Variants in FBXL13 observed in about 807,000 individuals in gnomAD.
The protein encoded by FBXL13 is F-box and leucine rich repeat protein 13.
In FBXL13, 67 loss-of-function variants were observed where a neutral mutation model predicts 83.6. The observed-to-expected ratio is 0.80, with a 90% CI of 0.66 to 0.98. FBXL13 has a LOEUF of 0.98. FBXL13 is among the 50% of genes least tolerant of loss of function. The pLI is 0.00. For missense variants in FBXL13, 822 were observed against 866.5 expected (o/e 0.95, Z 0.64); for synonymous variants, 272 against 299.5 (o/e 0.91, Z 0.95).
chr7:103,006,926 A>G (rs919170731), intron 6 of FBXL13, among the ~76,000 whole-genome samples: 1 of 152,182 alleles, frequency 6.6e-6, no homozygotes, highest in African/African-American at 2.4e-5. Context: ...TCTAGAGATC[A>G]ATACAATATC....
chr7:102,867,982 G>A (rs1260089368), intron 16 of FBXL13, among the ~76,000 whole-genome samples: 2 of 151,742 alleles, frequency 1.3e-5, no homozygotes, highest in African/African-American at 2.4e-5. Context: ...GATTACAGGC[G>A]TGAGCCACCG....
At chr7:102,887,414 T>TAC (rs67686614) in intron 11 of FBXL13, among the ~76,000 whole-genome samples, 7,422 of 148,668 alleles carry the variant, frequency 0.05, 230 homozygotes, top group African/African-American at 0.09. Flanking sequence ...TATACATACA[T>TAC]ACACACACAC....
intron 10 of FBXL13, 85 bp from the exon 12 acceptor site, chr7:102,913,300 T>C: frequency 3.3e-6 from 5 of 1,537,170 alleles, no homozygotes; most frequent in Non-Finnish European, 4.4e-6. Flanking sequence ...CAAAGAAAAC[T>C]GTAAATTCAA....
intron 11 of FBXL13, among the ~76,000 whole-genome samples, chr7:102,910,386 C>CT (rs146497451): frequency 0.036 from 5,338 of 148,592 alleles, 289 homozygotes; most frequent in African/African-American, 0.13. Context: ...CTTTTTCTTT[C>CT]TTTTTTTTTT....
intron 7 of FBXL13, among the ~76,000 whole-genome samples, chr7:102,964,086 G>A (rs141220482): frequency 4.6e-5 from 7 of 152,218 alleles, no homozygotes; most frequent in African/African-American, 9.6e-5. Context: ...CAAAGCGGGC[G>A]GATCACTTGA....
intron 6 of FBXL13, among the ~76,000 whole-genome samples, chr7:103,007,930 T>C (rs995356774): frequency 5.9e-5 from 9 of 152,004 alleles, no homozygotes; most frequent in Non-Finnish European, 8.8e-5. Context: ...GGAGAGTGTC[T>C]CCCACGAGGA....
intron 8 of FBXL13, among the ~76,000 whole-genome samples, chr7:102,943,614 CAA>C (rs1219492495): frequency 6.6e-6 from 1 of 152,160 alleles, no homozygotes; most frequent in Non-Finnish European, 1.5e-5. Flanking sequence ...TAAGAGACTG[CAA>C]AGACTCTCGC....
chr7:102,884,272 G>C, exon 12 of FBXL13: 2 of 1,613,782 alleles, frequency 1.2e-6, no homozygotes, highest in Non-Finnish European at 1.7e-6. Flanking sequence ...CATAATTCCA[G>C]TGCAGCTGTT....
intron 18 of FBXL13, 108 bp downstream of exon 19, chr7:102,832,732 A>C: frequency 7.6e-7 from 1 of 1,311,924 alleles, no homozygotes; most frequent in South Asian, 2.2e-5. Flanking sequence ...TGAATACCTC[A>C]ACCATGGCAA....
chr7:103,024,422 G>A (rs1196523132), intron 6 of FBXL13, among the ~76,000 whole-genome samples: 1 of 151,528 alleles, frequency 6.6e-6, no homozygotes, highest in Non-Finnish European at 1.5e-5. Context: ...CAGCTACCTG[G>A]AGGCTGAGGC....
chr7:102,933,689 G>A, intron 8 of FBXL13: 2 of 360,806 alleles, frequency 5.5e-6, no homozygotes, highest in Non-Finnish European at 9.9e-6. Flanking sequence ...GAAGGCCTTT[G>A]CCTTAAAAAG....
chr7:102,878,309 G>A (rs1217960498), intron 15 of FBXL13, 22 bp downstream of exon 16: 2 of 1,579,558 alleles, frequency 1.3e-6, no homozygotes. Flanking sequence ...ATGATATGAT[G>A]TAAAAGACTG....
intron 17 of FBXL13, among the ~76,000 whole-genome samples, chr7:102,847,778 C>T (rs1222755524): frequency 6.6e-6 from 1 of 152,164 alleles, no homozygotes; most frequent in Non-Finnish European, 1.5e-5. Context: ...ACCCACCCAC[C>T]TCGGCCTCCC....
intron 6 of FBXL13, among the ~76,000 whole-genome samples, chr7:102,991,068 AGACAAATTCAGTAGCT>A (rs1829512092): frequency 6.6e-6 from 1 of 152,252 alleles, no homozygotes; most frequent in African/African-American, 2.4e-5. Context: ...AGATGCCAGA[AGACAAATTCAGTAGCT>A]TTGAATTTGA....
chr7:102,939,719 A>C (rs1269554579), intron 8 of FBXL13: 2 of 809,216 alleles, frequency 2.5e-6, no homozygotes, highest in Admixed American at 5.6e-5. Context: ...TTAATTAAAC[A>C]TGACACTTAT....
chr7:102,903,939 C>CTTTTTTTTTTTTTTTTTTTTTTTTTTT (rs1166655004), intron 11 of FBXL13, among the ~76,000 whole-genome samples: 6 of 43,454 alleles, frequency 1.4e-4, no homozygotes, highest in Admixed American at 2.4e-4. Context: ...CTTTTCTTTT[C>CTTTTTTTTTTTTTTTTTTTTTTTTTTT]TTTTTTTTTT....
In FBXL13 at chr7:103,015,160, C is replaced by A. The variant is rs182077344; in HGVS notation, c.495+9903G>T. ...ATTCAACATCTCTTCATGTTAAAAA[C>A]CCTCAAGAAACTAGGCACTGAAGGA... On this transcript the variant is annotated intron_variant, in intron 6 of 19. Transcript: ENST00000313221. Among the ~76,000 whole-genome samples, 742 of 152,112 alleles carry A rather than the reference C, an allele frequency of 4.9e-3. 2 individuals carry two copies. Among genetic ancestry groups the A allele is most frequent in the Middle Eastern group, 0.01 (3 of 294 alleles).
At chr7:102,893,717 G>A (rs1470918617) in intron 11 of FBXL13, among the ~76,000 whole-genome samples, 13 of 142,268 alleles carry the variant, frequency 9.1e-5, no homozygotes, top group Non-Finnish European at 1.4e-4. Context: ...GCAGTGAGCC[G>A]AGATCACACC....
chr7:103,052,832 C>T (rs897435037), intron 2 of FBXL13, among the ~76,000 whole-genome samples: 2 of 149,876 alleles, frequency 1.3e-5, no homozygotes, highest in African/African-American at 2.5e-5. Flanking sequence ...TCTCGGCTCA[C>T]TGCAACCTCC....
Sources: gnomAD v4.1 joint callset for allele counts (sites outside exome capture counted in the v4.1 genomes callset) on GRCh38, gnomAD v4.1.1 for gene constraint, MANE v1.5 for transcripts, NCBI Gene and HGNC (gene_info 2026-07-23, HGNC 2026-07-21) for gene names.